The following SEMA5B variants were observed in gnomAD, a reference collection of about 807,000 sequenced individuals.
The protein encoded by SEMA5B is semaphorin 5B.
In SEMA5B, 66 loss-of-function variants were observed where a neutral mutation model predicts 135.0. The ratio of observed to expected loss-of-function variants is 0.49; its 90% CI spans 0.40 to 0.60. The LOEUF (loss-of-function observed/expected upper bound fraction) is 0.60, where lower values mean the gene tolerates loss of function less well. Among genes scored for constraint, SEMA5B ranks in the 20% least tolerant of loss-of-function variants. The probability of loss-of-function intolerance (pLI) is 0.00; values close to 1 mark genes in which losing one functional copy is unlikely to be tolerated. For missense variants in SEMA5B, 1,501 were observed against 1,566.3 expected (o/e 0.96, Z 0.70); for synonymous variants, 690 against 639.5 (o/e 1.08, Z -1.19).
chr3:123,027,890 T>A (rs1942843553), upstream of SEMA5B: 1 of 151,728 alleles, frequency 6.6e-6, no homozygotes, highest in Non-Finnish European at 1.5e-5. Flanking sequence ...CGGCGGGCGC[T>A]GCACCCGCCA....
chr3:122,961,909 A>G (rs1227077921), intron 1 of SEMA5B, among the ~76,000 whole-genome samples: 1 of 152,110 alleles, frequency 6.6e-6, no homozygotes, highest in Non-Finnish European at 1.5e-5. Flanking sequence ...CCACTTCTTC[A>G]CCTTTCTCAG....
intron 1 of SEMA5B, among the ~76,000 whole-genome samples, chr3:122,963,499 A>AAAAAAAAAAG (rs764959695): frequency 1.6e-4 from 24 of 151,640 alleles, no homozygotes; most frequent in African/African-American, 5.8e-4. Context: ...ACTCAAAAAA[A>AAAAAAAAAAG]AAAAAGAAAA....
chr3:123,015,920 T>C (rs879786504), intron 1 of SEMA5B, among the ~76,000 whole-genome samples: 1 of 152,232 alleles, frequency 6.6e-6, no homozygotes, highest in Non-Finnish European at 1.5e-5. Context: ...CCATGCGATG[T>C]CTGGGCCTCA....
intron 1 of SEMA5B, among the ~76,000 whole-genome samples, chr3:123,003,516 C>T (rs1266446408): frequency 6.6e-6 from 1 of 152,142 alleles, no homozygotes; most frequent in Non-Finnish European, 1.5e-5. Flanking sequence ...ATTCTCCATC[C>T]TCAGGGGGCC....
At chr3:122,927,201 T>C (rs572426837) in intron 8 of SEMA5B, among the ~76,000 whole-genome samples, 1 of 152,312 alleles carries the variant, frequency 6.6e-6, no homozygotes, top group East Asian at 1.9e-4. Context: ...TCTTTCTTTT[T>C]TAAGAGGCTG....
At chr3:123,013,285 A>G (rs1942478478) in intron 1 of SEMA5B, among the ~76,000 whole-genome samples, 1 of 152,190 alleles carries the variant, frequency 6.6e-6, no homozygotes, top group Admixed American at 6.5e-5. Context: ...ACAGGCTGCT[A>G]CAGTGTAAGC....
Position 122,922,228 on chromosome 3 carries a change from G to T in SEMA5B, c.1480+12C>A, listed in dbSNP as rs778590990. On this transcript the variant is annotated intron_variant, in intron 11 of 22. Transcript: ENST00000357599. ...CCCGACCTGCAGTCCAGGTTGGACC[G>T]GGCCGGCTCACCGGTGCCAATGTAG... The T allele has an allele frequency of 6.2e-7, 1 of 1,605,536 alleles. No individual in the cohort carries two copies. The highest frequency in any genetic ancestry group is 2.2e-5 in the East Asian group (1 of 44,610).
intron 1 of SEMA5B, among the ~76,000 whole-genome samples, chr3:122,987,092 A>G (rs755431121): frequency 6.6e-6 from 1 of 152,150 alleles, no homozygotes; most frequent in Admixed American, 6.5e-5. Context: ...ACCGGCGGAA[A>G]AAGGGATGCT....
chr3:122,983,351 C>G (rs1202385173), intron 1 of SEMA5B, among the ~76,000 whole-genome samples: 3 of 151,912 alleles, frequency 2.0e-5, no homozygotes, highest in African/African-American at 4.8e-5. Context: ...TTTTTGCAGT[C>G]TAACTTAATT....
At chr3:122,994,650 C>T (rs932404248) in intron 1 of SEMA5B, among the ~76,000 whole-genome samples, 13 of 152,138 alleles carry the variant, frequency 8.5e-5, no homozygotes, top group Non-Finnish European at 1.8e-4. Context: ...GAGAGGTGAC[C>T]GCCTAGGCAG....
At chr3:122,944,281 G>A (rs1476012516) in intron 3 of SEMA5B, among the ~76,000 whole-genome samples, 2 of 152,166 alleles carry the variant, frequency 1.3e-5, no homozygotes, top group African/African-American at 2.4e-5. Flanking sequence ...ACAAGAGCCT[G>A]CAAACCTTTG....
chr3:123,001,622 A>T (rs949993107), intron 1 of SEMA5B, among the ~76,000 whole-genome samples: 1 of 152,204 alleles, frequency 6.6e-6, no homozygotes, highest in South Asian at 2.1e-4. Context: ...TACTGAATGT[A>T]CATTTATAAT....
chr3:122,996,736 G>A (rs569908342), intron 1 of SEMA5B, among the ~76,000 whole-genome samples: 25 of 152,316 alleles, frequency 1.6e-4, no homozygotes, highest in South Asian at 2.1e-4. Context: ...CAGAAATTGG[G>A]ACGTTCCGTG....
chr3:123,013,210 A>G (rs1486656297), intron 1 of SEMA5B, among the ~76,000 whole-genome samples: 4 of 152,210 alleles, frequency 2.6e-5, no homozygotes, highest in Non-Finnish European at 5.9e-5. Flanking sequence ...TGGCTCAGTC[A>G]TGCCATCTGT....
chr3:122,966,560 A>ATTTTTTTT (rs1307061116), intron 1 of SEMA5B, among the ~76,000 whole-genome samples: 1 of 137,640 alleles, frequency 7.3e-6, no homozygotes, highest in African/African-American at 3.3e-5. Flanking sequence ...TATTATTATT[A>ATTTTTTTT]TTATTATTTT....
intron 1 of SEMA5B, among the ~76,000 whole-genome samples, chr3:123,022,712 C>A (rs1000241331): frequency 6.6e-6 from 1 of 152,186 alleles, no homozygotes; most frequent in Non-Finnish European, 1.5e-5. Context: ...CGAATAATTT[C>A]TCACTGGTGA....
intron 9 of SEMA5B, among the ~76,000 whole-genome samples, chr3:122,924,282 TC>T (rs1477261905): frequency 2.0e-5 from 3 of 152,194 alleles, no homozygotes; most frequent in African/African-American, 7.2e-5. Context: ...GAAGCATGTT[TC>T]CATGAATCTT....
chr3:122,977,953 G>A lies in SEMA5B; in HGVS notation c.-38-16652C>T, dbSNP rs555818304. Among the ~76,000 whole-genome samples, 192 of 152,372 alleles carry A rather than the reference G, an allele frequency of 1.3e-3. 1 individual carries two copies. The highest frequency in any genetic ancestry group is 4.3e-3 in the African/African-American group (179 of 41,592). On this transcript the variant is annotated intron_variant, in intron 1 of 22. Coordinates refer to ENST00000357599, the MANE Select transcript of SEMA5B (RefSeq NM_001031702.4). ...GCCGACTAAAGGGATGTTGGAGGTA[G>A]GAGTGTGGGCAGCAAGGCATCTGAG...
At chr3:122,948,295 G>A (rs968001272) in intron 3 of SEMA5B, among the ~76,000 whole-genome samples, 2 of 152,144 alleles carry the variant, frequency 1.3e-5, no homozygotes, top group African/African-American at 4.8e-5. Context: ...ATTACGGAGA[G>A]ACAAAAATTA....
Sources: allele counts gnomAD v4.1 joint callset (sites outside exome capture counted in the v4.1 genomes callset), GRCh38; gene constraint gnomAD v4.1.1; transcripts MANE v1.5; gene names NCBI Gene and HGNC (gene_info 2026-07-23, HGNC 2026-07-21).